Variants in CNTNAP2 observed in about 807,000 individuals in gnomAD.
CNTNAP2 encodes contactin associated protein 2.
Under a neutral mutation model 155.2 loss-of-function variants are expected in CNTNAP2, and 98 were observed. The observed-to-expected ratio is 0.63, with a 90% CI of 0.54 to 0.75. The LOEUF (loss-of-function observed/expected upper bound fraction) is 0.75. CNTNAP2 is among the 30% of genes least tolerant of loss of function. The pLI is 0.00. For missense variants in CNTNAP2, 1,727 were observed against 1,688.1 expected (o/e 1.02, Z -0.40); for synonymous variants, 651 against 631.2 (o/e 1.03, Z -0.47).
At chr7:147,365,791 T>A (rs1226332655) in intron 9 of CNTNAP2, among the ~76,000 whole-genome samples, 1 of 152,226 alleles carries the variant, frequency 6.6e-6, no homozygotes, top group Non-Finnish European at 1.5e-5. Flanking sequence ...CTGTTTCCCA[T>A]TGCTTCTAGA....
chr7:146,701,889 G>C (rs1335075099), intron 1 of CNTNAP2, among the ~76,000 whole-genome samples: 2 of 152,200 alleles, frequency 1.3e-5, no homozygotes, highest in Non-Finnish European at 2.9e-5. Flanking sequence ...CAAAACATAG[G>C]CTATGCTTGT....
chr7:146,208,617 G>A (rs1798985832), intron 1 of CNTNAP2: 1 of 150,110 alleles, frequency 6.7e-6, no homozygotes, highest in African/African-American at 2.4e-5. Flanking sequence ...AAAAAAAAAA[G>A]TCCACATCAT....
intron 1 of CNTNAP2, among the ~76,000 whole-genome samples, chr7:146,320,160 G>A (rs1479923539): frequency 6.6e-6 from 1 of 151,906 alleles, no homozygotes; most frequent in Non-Finnish European, 1.5e-5. Context: ...TTAAAAAATT[G>A]ACATCATGTT....
chr7:147,148,667 G>A (rs1801763209), intron 8 of CNTNAP2, among the ~76,000 whole-genome samples: 1 of 152,198 alleles, frequency 6.6e-6, no homozygotes, highest in Non-Finnish European at 1.5e-5. Flanking sequence ...CTTCCTGTGG[G>A]TTCGTGGTCT....
chr7:146,193,382 G>A lies in CNTNAP2; in HGVS notation c.97+76409G>A, dbSNP rs182578179. Among the ~76,000 whole-genome samples the A allele has an allele frequency of 3.7e-3, 562 of 152,300 alleles. 2 individuals are homozygous for A. The highest frequency in any genetic ancestry group is 6.0e-3 in the Non-Finnish European group (408 of 68,018). On this transcript the variant is annotated intron_variant, in intron 1 of 23. Transcript: ENST00000361727. ...GCAAACTTCCACCTGGACATGCAAG[G>A]GTTTCCATAAGGCCTCTGAAATCCA...
chr7:147,790,750 C>T (rs956211860), intron 13 of CNTNAP2, among the ~76,000 whole-genome samples: 3 of 152,204 alleles, frequency 2.0e-5, no homozygotes, highest in Non-Finnish European at 4.4e-5. Flanking sequence ...AAGAAATGCT[C>T]GTGAGAGTTA....
intron 8 of CNTNAP2, among the ~76,000 whole-genome samples, chr7:147,195,512 G>A (rs1311687697): frequency 6.6e-6 from 1 of 151,986 alleles, no homozygotes; most frequent in Non-Finnish European, 1.5e-5. Context: ...AATTACTTTG[G>A]GCAGTATGGC....
chr7:146,707,781 AT>A (rs1337434107), intron 1 of CNTNAP2, among the ~76,000 whole-genome samples: 1 of 152,154 alleles, frequency 6.6e-6, no homozygotes, highest in African/African-American at 2.4e-5. Flanking sequence ...AGCATTATAC[AT>A]TTGTGTCATT....
intron 21 of CNTNAP2, among the ~76,000 whole-genome samples, chr7:148,269,887 A>T (rs1346588671): frequency 6.6e-6 from 1 of 152,222 alleles, no homozygotes; most frequent in African/African-American, 2.4e-5. Context: ...GAACCATATG[A>T]TTCCATCAAA....
At chr7:147,535,158 C>T (rs968829392) in intron 11 of CNTNAP2, among the ~76,000 whole-genome samples, 23 of 152,178 alleles carry the variant, frequency 1.5e-4, no homozygotes, top group African/African-American at 4.3e-4. Flanking sequence ...TTTGAGAGGC[C>T]GAGGCGGATG....
chr7:147,166,673 A>G (rs1233011934), intron 8 of CNTNAP2, among the ~76,000 whole-genome samples: 4 of 151,940 alleles, frequency 2.6e-5, no homozygotes, highest in Non-Finnish European at 4.4e-5. Flanking sequence ...GAAGGGAGAT[A>G]GGGGTGGGGC....
At chr7:147,914,267 G>A (rs910171107) in intron 14 of CNTNAP2, among the ~76,000 whole-genome samples, 16 of 152,076 alleles carry the variant, frequency 1.1e-4, no homozygotes, top group Admixed American at 5.9e-4. Flanking sequence ...TAGGCTGGTC[G>A]TGGTGGCTCA....
intron 3 of CNTNAP2, among the ~76,000 whole-genome samples, chr7:147,025,987 G>A (rs376140268): frequency 1.3e-5 from 2 of 151,958 alleles, no homozygotes; most frequent in African/African-American, 2.4e-5. Flanking sequence ...AGCCTCCTGA[G>A]TAGCTGGGAT....
Position 148,391,683 on chromosome 7 carries a change from G to C in CNTNAP2, c.3715+7795G>C, listed in dbSNP as rs773971335. On this transcript the variant is annotated intron_variant, in intron 22 of 23. Transcript: ENST00000361727. ...TTTACCTCTCAGAATTATGGACTCT[G>C]TTGTGTTTCTTCCTTTTTGTCTAAT... Among the ~76,000 whole-genome samples, 2 of 151,476 alleles carry C rather than the reference G, an allele frequency of 1.3e-5. 1 individual carries two copies. Among genetic ancestry groups the C allele is most frequent in the Middle Eastern group, 6.9e-3 (2 of 290 alleles).
chr7:148,295,780 C>A (rs565189115), intron 21 of CNTNAP2, among the ~76,000 whole-genome samples: 1 of 152,064 alleles, frequency 6.6e-6, no homozygotes, highest in East Asian at 1.9e-4. Context: ...CATGAGCCAA[C>A]GCGCCCGGCC....
intron 18 of CNTNAP2, among the ~76,000 whole-genome samples, chr7:148,204,198 A>G (rs1437349309): frequency 6.6e-6 from 1 of 152,202 alleles, no homozygotes; most frequent in Non-Finnish European, 1.5e-5. Flanking sequence ...AAGACTGCCG[A>G]TACGATGTGG....
intron 11 of CNTNAP2, among the ~76,000 whole-genome samples, chr7:147,498,613 A>C (rs1000652560): frequency 4.6e-5 from 7 of 152,262 alleles, no homozygotes; most frequent in Admixed American, 1.3e-4. Flanking sequence ...TTAGTAATCA[A>C]GAAAAATGTT....
intron 13 of CNTNAP2, among the ~76,000 whole-genome samples, chr7:147,652,215 C>G (rs899115714): frequency 6.6e-6 from 1 of 152,168 alleles, no homozygotes; most frequent in Admixed American, 6.5e-5. Context: ...TTTACCAACA[C>G]CAGTGGCTGG....
At chr7:146,712,282 A>ATGTATACATATCTTATGTATACTATAT (rs1801102841) in intron 1 of CNTNAP2, among the ~76,000 whole-genome samples, 1 of 10,372 alleles carries the variant, frequency 9.6e-5, no homozygotes, top group Non-Finnish European at 1.1e-3. Flanking sequence ...GTATACATAT[A>ATGTATACATATCTTATGTATACTATAT]TGTATACATA....
Sources: allele counts gnomAD v4.1 joint callset (sites outside exome capture counted in the v4.1 genomes callset), GRCh38; gene constraint gnomAD v4.1.1; transcripts MANE v1.5; gene names NCBI Gene and HGNC (gene_info 2026-07-23, HGNC 2026-07-21).